Variants in SLC9C1 observed in about 807,000 individuals in gnomAD.
SLC9C1 encodes sodium/hydrogen exchanger 10.
In SLC9C1, 97 loss-of-function variants were observed where a neutral mutation model predicts 140.9. That is an observed-to-expected ratio of 0.69 (90% CI 0.58 to 0.82). The LOEUF is 0.82. Among genes scored for constraint, SLC9C1 ranks in the 40% least tolerant of loss-of-function variants. The pLI is 0.00. For missense variants in SLC9C1, 1,340 were observed against 1,389.3 expected (o/e 0.96, Z 0.56); for synonymous variants, 440 against 442.6 (o/e 0.99, Z 0.07).
intron 10 of SLC9C1, among the ~76,000 whole-genome samples, chr3:112,257,524 C>T (rs570440365): frequency 1.3e-5 from 2 of 152,060 alleles, no homozygotes; most frequent in Non-Finnish European, 2.9e-5. Flanking sequence ...TGGACCCCTT[C>T]GTTACACTAC....
At chr3:112,246,883 A>G (rs1369746304) in intron 10 of SLC9C1, among the ~76,000 whole-genome samples, 1 of 152,200 alleles carries the variant, frequency 6.6e-6, no homozygotes, top group African/African-American at 2.4e-5. Context: ...GGTTAAATGC[A>G]GAAGAATACA....
intron 27 of SLC9C1, among the ~76,000 whole-genome samples, chr3:112,153,642 T>A (rs902700791): frequency 2.0e-5 from 3 of 152,356 alleles, no homozygotes; most frequent in African/African-American, 7.2e-5. Context: ...TGCCAAGGAC[T>A]GTGCAGTGTA....
chr3:112,155,102 ATTTCT>A, intron 26 of SLC9C1, 53 bp from the exon 27 acceptor site: 1 of 1,469,080 alleles, frequency 6.8e-7, no homozygotes, highest in Non-Finnish European at 9.4e-7. Flanking sequence ...GCAAGTGACT[ATTTCT>A]ATTAGTCCAA....
At chr3:112,174,906 G>A (rs1437900852) in intron 23 of SLC9C1, among the ~76,000 whole-genome samples, 1 of 152,058 alleles carries the variant, frequency 6.6e-6, no homozygotes, top group Non-Finnish European at 1.5e-5. Context: ...ATCTGGATCT[G>A]CGTGGAGAAC....
chr3:112,146,393 G>A (rs1049456611), intron 28 of SLC9C1, among the ~76,000 whole-genome samples: 1 of 152,020 alleles, frequency 6.6e-6, no homozygotes, highest in Non-Finnish European at 1.5e-5. Flanking sequence ...TAGTTCCTAA[G>A]GGGTGAAATT....
intron 21 of SLC9C1, 53 bp from the exon 22 acceptor site, chr3:112,180,715 G>T: frequency 6.9e-7 from 1 of 1,446,254 alleles, no homozygotes. Context: ...AGAAGTGGTT[G>T]GGAATGTTAA....
chr3:112,187,837 A>T (rs976222193), intron 20 of SLC9C1, among the ~76,000 whole-genome samples: 1 of 152,084 alleles, frequency 6.6e-6, no homozygotes, highest in Non-Finnish European at 1.5e-5. Context: ...AGGTGTATCT[A>T]CAGAAATTTT....
chr3:112,150,737 A>G (rs1028857718), intron 28 of SLC9C1, among the ~76,000 whole-genome samples: 1 of 144,418 alleles, frequency 6.9e-6, no homozygotes, highest in Non-Finnish European at 1.5e-5. Flanking sequence ...TGGAAGAAAT[A>G]TATATATATA....
intron 12 of SLC9C1, among the ~76,000 whole-genome samples, chr3:112,235,547 T>C (rs28875176): frequency 0.29 from 42,933 of 148,594 alleles, 6,428 homozygotes; most frequent in East Asian, 0.35. Flanking sequence ...ATCTCTGTCT[T>C]GTGCCAGTTT....
At chr3:112,182,322 A>G in intron 20 of SLC9C1, 64 bp from the exon 21 acceptor site, 2 of 1,505,384 alleles carry the variant, frequency 1.3e-6, no homozygotes, top group Non-Finnish European at 1.8e-6. Flanking sequence ...TTTAAGGCAG[A>G]CAGGTCTTTG....
At chr3:112,251,895 A>C (rs570809717) in intron 10 of SLC9C1, among the ~76,000 whole-genome samples, 1 of 152,300 alleles carries the variant, frequency 6.6e-6, no homozygotes, top group East Asian at 1.9e-4. Flanking sequence ...CCCCTGAATC[A>C]TCTCCTTTCC....
chr3:112,154,172 A>G (rs1560007430), intron 27 of SLC9C1, among the ~76,000 whole-genome samples: 1 of 152,220 alleles, frequency 6.6e-6, no homozygotes, highest in South Asian at 2.1e-4. Flanking sequence ...ACAACTAAAT[A>G]TACAATTTTA....
chr3:112,237,339 A>G (rs1187832192), intron 12 of SLC9C1, among the ~76,000 whole-genome samples: 1 of 151,890 alleles, frequency 6.6e-6, no homozygotes, highest in Admixed American at 6.6e-5. Flanking sequence ...CCATCCCTTT[A>G]TTTTGAGCCT....
chr3:112,169,295 C>G lies in SLC9C1; in HGVS notation c.2953G>C (p.Ala985Pro), dbSNP rs2077200078. Residue 985 changes from alanine (A) to proline (P), a missense_variant, in exon 24 of 29, where the codon GCT (alanine) becomes CCT (proline). Transcript: ENST00000305815. Reference sequence around the variant, plus strand: ...ATGAGAGGAGAGCATTGCTCAAAAGCATCATACAAGTGAGTTTTGGGAATA... The same window carrying G: ...ATGAGAGGAGAGCATTGCTCAAAAGGATCATACAAGTGAGTTTTGGGAATA... ...CFIPKTHLYD[A>P]FEQCSPLIKQ... 1.2e-6 allele frequency: 2 copies of G among 1,612,648 alleles called. No homozygotes were observed. The highest frequency in any genetic ancestry group is 8.5e-7 in the Non-Finnish European group (1 of 1,179,482).
At chr3:112,288,313 C>T (rs1049986453) in intron 1 of SLC9C1, among the ~76,000 whole-genome samples, 1 of 152,110 alleles carries the variant, frequency 6.6e-6, no homozygotes, top group African/African-American at 2.4e-5. Context: ...ATCATATCAT[C>T]TAGTGGCTCT....
At chr3:112,234,426 C>T (rs12695254) in intron 12 of SLC9C1, among the ~76,000 whole-genome samples, 89,687 of 151,680 alleles carry the variant, frequency 0.59, 27,035 homozygotes, top group East Asian at 0.79. Context: ...ATTCTGTAGG[C>T]TGCCTGTTCA....
At chr3:112,253,534 C>T (rs1248415481) in intron 10 of SLC9C1, among the ~76,000 whole-genome samples, 1 of 152,192 alleles carries the variant, frequency 6.6e-6, no homozygotes, top group Non-Finnish European at 1.5e-5. Flanking sequence ...CATATCTGCC[C>T]TGTGAAACCA....
chr3:112,251,476 G>A (rs1212868653), intron 10 of SLC9C1, among the ~76,000 whole-genome samples: 1 of 152,120 alleles, frequency 6.6e-6, no homozygotes, highest in East Asian at 1.9e-4. Context: ...TCAGATACTT[G>A]GGGTTCCCAG....
intron 12 of SLC9C1, 106 bp from the exon 13 acceptor site, chr3:112,231,592 C>G: frequency 9.3e-7 from 1 of 1,078,058 alleles, no homozygotes; most frequent in South Asian, 1.6e-5. Flanking sequence ...AAAATGGTAG[C>G]AAATCTGGTA....
Sources: gnomAD v4.1 joint callset for allele counts (sites outside exome capture counted in the v4.1 genomes callset) on GRCh38, gnomAD v4.1.1 for gene constraint, MANE v1.5 for transcripts, NCBI Gene and HGNC (gene_info 2026-07-23, HGNC 2026-07-21) for gene names.